Variants in RNF38 observed in about 807,000 individuals in gnomAD.
RNF38 encodes the protein ring finger protein 38, also known as E3 ubiquitin-protein ligase RNF38.
A neutral mutation model predicts 67.2 loss-of-function variants in RNF38; 15 were observed. The observed-to-expected ratio is 0.22, with a 90% CI of 0.15 to 0.34. The LOEUF (loss-of-function observed/expected upper bound fraction) is 0.34. RNF38 is among the 10% of genes least tolerant of loss of function. RNF38 has a pLI of 1.00. For synonymous variants in RNF38, 220 were observed against 218.8 expected (o/e 1.01, Z -0.05); for missense variants, 524 against 639.9 (o/e 0.82, Z 1.95).
At chr9:36,465,588 G>A (rs1258156220) in intron 1 of RNF38, among the ~76,000 whole-genome samples, 1 of 152,060 alleles carries the variant, frequency 6.6e-6, no homozygotes, top group African/African-American at 2.4e-5. Context: ...CAGGTGATCC[G>A]CCTGCCTTGG....
intron 1 of RNF38, among the ~76,000 whole-genome samples, chr9:36,478,403 CAAAAAAAAA>C (rs566516265): frequency 1.4e-5 from 1 of 72,286 alleles, no homozygotes; most frequent in Non-Finnish European, 2.6e-5. Context: ...GACTCCGTCT[CAAAAAAAAA>C]AAAAAAAAAA....
chr9:36,392,857 C>G (rs1415241134), intron 1 of RNF38, among the ~76,000 whole-genome samples: 1 of 152,030 alleles, frequency 6.6e-6, no homozygotes, highest in Non-Finnish European at 1.5e-5. Context: ...CAGATGCAAG[C>G]AGCCAACTGT....
chr9:36,338,935 A>T lies in RNF38; in HGVS notation c.*817T>A, dbSNP rs181802752. 171 of 151,918 alleles carry T rather than the reference A, an allele frequency of 1.1e-3. No homozygotes were observed. Among genetic ancestry groups the T allele is most frequent in the Non-Finnish European group, 1.1e-3 (75 of 67,924 alleles). The allele number at this position is 151,918 out of a possible 1,614,324, so 9.4% of individuals were successfully genotyped here. On this transcript the variant is annotated 3_prime_UTR_variant, in exon 12 of 12. Transcript: ENST00000259605. ...GATTTAAAAATTTCCACAACAGAAT[A>T]AAAAAAAACCAGGTTCATGGAGCGA...
At chr9:36,403,924 A>G (rs1478754078), upstream of RNF38, among the ~76,000 whole-genome samples, 1 of 152,258 alleles carries the variant, frequency 6.6e-6, no homozygotes, top group Non-Finnish European at 1.5e-5. Context: ...ACAGAACACA[A>G]AAACACACCA....
At chr9:36,372,937 G>A (rs1835494785) in intron 3 of RNF38, among the ~76,000 whole-genome samples, 1 of 152,176 alleles carries the variant, frequency 6.6e-6, no homozygotes, top group Non-Finnish European at 1.5e-5. Context: ...CGGGTGCAGT[G>A]GCTCATGCCT....
At chr9:36,400,830 C>A (rs962488274), upstream of RNF38, 12 of 985,072 alleles carry the variant, frequency 1.2e-5, no homozygotes, top group African/African-American at 2.1e-4. Flanking sequence ...TCCGCCCCCA[C>A]GCCCCAACCG....
chr9:36,400,757 G>C, upstream of RNF38: 1 of 985,662 alleles, frequency 1.0e-6, no homozygotes, highest in Non-Finnish European at 1.2e-6. Context: ...GGCCGCGCCA[G>C]GAAACGACGG....
At chr9:36,422,577 A>G (rs867641111) in intron 2 of RNF38, among the ~76,000 whole-genome samples, 1 of 152,244 alleles carries the variant, frequency 6.6e-6, no homozygotes, top group Non-Finnish European at 1.5e-5. Flanking sequence ...CTACCTATCG[A>G]TAAGTACTAC....
chr9:36,429,293 C>T (rs1490647214), intron 1 of RNF38, among the ~76,000 whole-genome samples: 1 of 152,216 alleles, frequency 6.6e-6, no homozygotes, highest in Non-Finnish European at 1.5e-5. Context: ...CCAAATCTTA[C>T]AGGCATTCCC....
intron 1 of RNF38, among the ~76,000 whole-genome samples, chr9:36,481,447 T>C (rs1386879480): frequency 3.3e-5 from 5 of 152,194 alleles, no homozygotes; most frequent in Non-Finnish European, 7.4e-5. Flanking sequence ...TCCATTTAAG[T>C]AGAACAGGAA....
At chr9:36,430,165 A>G (rs370274158) in intron 1 of RNF38, among the ~76,000 whole-genome samples, 282 of 152,140 alleles carry the variant, frequency 1.9e-3, no homozygotes, top group African/African-American at 6.5e-3. Context: ...CCTCCTAAAG[A>G]GAAGGTGTAA....
At chr9:36,468,238 T>C (rs1267328219) in intron 1 of RNF38, among the ~76,000 whole-genome samples, 1 of 128,006 alleles carries the variant, frequency 7.8e-6, no homozygotes, top group Non-Finnish European at 1.7e-5. Flanking sequence ...CAATGTTCTG[T>C]CTTAAAAAAA....
chr9:36,400,449 CG>C (rs1837928921), upstream of RNF38: 1 of 1,064,568 alleles, frequency 9.4e-7, no homozygotes, highest in African/African-American at 1.7e-5. Context: ...GCCGGGCGGC[CG>C]AGGCAAACCT....
At chr9:36,343,598 G>A (rs1833005823) in intron 10 of RNF38, among the ~76,000 whole-genome samples, 1 of 151,694 alleles carries the variant, frequency 6.6e-6, no homozygotes, top group African/African-American at 2.4e-5. Flanking sequence ...AAAAAAAATA[G>A]ACAATATAGA....
At chr9:36,437,623 C>G (rs1274721653) in intron 1 of RNF38, among the ~76,000 whole-genome samples, 2 of 151,462 alleles carry the variant, frequency 1.3e-5, no homozygotes, top group Non-Finnish European at 2.9e-5. Flanking sequence ...GAGCTAGGTG[C>G]TGGCAAGGAG....
At chr9:36,444,605 G>C (rs779080539) in intron 1 of RNF38, among the ~76,000 whole-genome samples, 1 of 152,154 alleles carries the variant, frequency 6.6e-6, no homozygotes, top group Non-Finnish European at 1.5e-5. Context: ...TTTGAGACCA[G>C]CCTGACCAAC....
intron 6 of RNF38, among the ~76,000 whole-genome samples, chr9:36,355,852 T>TC (rs1834060520): frequency 1.3e-5 from 2 of 152,070 alleles, no homozygotes; most frequent in African/African-American, 4.8e-5. Context: ...CGTTTGTTTG[T>TC]TTGTTTATTT....
intron 2 of RNF38, among the ~76,000 whole-genome samples, chr9:36,418,842 AATCCCAGCTACTCGGGAGGCTGAG>A (rs1838542072): frequency 6.6e-6 from 1 of 152,070 alleles, no homozygotes; most frequent in African/African-American, 2.4e-5. Flanking sequence ...GCATGCCTGT[AATCCCAGCTACTCGGGAGGCTGAG>A]GCTGGAGAAT....
At chr9:36,388,372 G>T (rs1209988316) in intron 2 of RNF38, among the ~76,000 whole-genome samples, 1 of 151,998 alleles carries the variant, frequency 6.6e-6, no homozygotes, top group East Asian at 1.9e-4. Context: ...CAATTAAAAA[G>T]AAGTCTTGAC....
Sources: allele counts gnomAD v4.1 joint callset (sites outside exome capture counted in the v4.1 genomes callset), GRCh38; gene constraint gnomAD v4.1.1; transcripts MANE v1.5; gene names NCBI Gene and HGNC (gene_info 2026-07-23, HGNC 2026-07-21).